The following ZSCAN25 variants were observed in gnomAD, a reference collection of about 807,000 sequenced individuals.
ZSCAN25 encodes the protein zinc finger and SCAN domain-containing protein 25.
Under a neutral mutation model 38.7 loss-of-function variants are expected in ZSCAN25, and 27 were observed. The ratio of observed to expected loss-of-function variants is 0.70; its 90% CI spans 0.51 to 0.96. ZSCAN25 has a LOEUF of 0.96. Ranked by LOEUF, ZSCAN25 falls within the 40% of genes least tolerant of loss-of-function variation. The probability of loss-of-function intolerance (pLI) is 0.00; values close to 1 mark genes in which losing one functional copy is unlikely to be tolerated. For synonymous variants in ZSCAN25, 273 were observed against 277.7 expected, an observed-to-expected ratio of 0.98 and a Z score of 0.17; for missense variants, 637 against 705.9, an observed-to-expected ratio of 0.90 and a Z score of 1.11.
At chr7:99,736,793 A>C in the ZSCAN25 span, among the ~76,000 whole-genome samples, 1 of 152,196 alleles carries the variant, frequency 6.6e-6, no homozygotes, top group Admixed American at 6.5e-5. Flanking sequence ...TGGCCTCAGC[A>C]GGTGAACATC....
In ZSCAN25 at chr7:99,629,870, C is replaced by T. The variant is rs755291085; in HGVS notation, c.1485C>T (p.Phe495=). 4.3e-6 allele frequency: 7 copies of T among 1,614,136 alleles called. No homozygotes were observed. The South Asian group carries it at 6.6e-5, about 15-fold the overall frequency. The change falls in exon 8 of 8, where the codon TTC becomes TTT. Residue 495 remains phenylalanine (F), a synonymous_variant. Transcript: ENST00000394152. This position sits in a 1 kb window ranked among gnomAD's most constrained non-coding sequence, Gnocchi z 5.6. ...PYGCQVCGKR[F]SKGERLVRHQ... ...GGTGCCAGGTGTGCGGGAAGCGGTT[C>T]AGCAAAGGGGAGCGGCTGGTCCGAC...
chr7:99,711,157 C>A, the ZSCAN25 span, among the ~76,000 whole-genome samples: 1 of 152,176 alleles, frequency 6.6e-6, no homozygotes, highest in Non-Finnish European at 1.5e-5. Context: ...ACCTTCACAG[C>A]TGGGTAATTT....
At position 99,623,014 on chromosome 7, in the gene ZSCAN25, G is replaced by A. The variant is rs573317267; in HGVS notation, c.681+374G>A. Among the ~76,000 whole-genome samples, 3 of 152,282 alleles carry A rather than the reference G, an allele frequency of 2.0e-5. No individual in the cohort carries two copies. In the East Asian group the frequency reaches 5.8e-4, roughly 29 times the overall value. On this transcript the variant is annotated intron_variant, in intron 6 of 7. Coordinates refer to ENST00000394152, the MANE Select transcript of ZSCAN25 (RefSeq NM_145115.3). The stretch of plus-strand genomic sequence containing the variant: ...GTAGAGACGGGGTTTCACCGTGTTA[G>A]CCAGGATGGTCTCGATCTCCTGATC...
At chr7:99,679,786 G>A in the ZSCAN25 span, 35 of 1,602,390 alleles carry the variant, frequency 2.2e-5, no homozygotes, top group Admixed American at 1.5e-4. Flanking sequence ...AGCACCCCAA[G>A]TCCAAGGAAA....
At position 99,632,310 on chromosome 7, in the gene ZSCAN25, T is replaced by A; in HGVS notation, c.*2290T>A. 4.3e-6 allele frequency: 4 copies of A among 927,504 alleles called. No homozygotes were observed. Among genetic ancestry groups the A allele is most frequent in the Non-Finnish European group, 5.1e-6 (4 of 777,442 alleles). The allele number at this position is 927,504 out of a possible 1,614,324, so 57.5% of individuals were successfully genotyped here. A position where few individuals can be genotyped will look rare whatever the true frequency, so the allele number is the denominator to read the frequency against. The stretch of plus-strand genomic sequence containing the variant: ...TATTTTGTTTTCTGTATTTTTCTAT[T>A]CTTTAGAAATTTTTTTATAATAGAT... On this transcript the variant is annotated 3_prime_UTR_variant, in exon 8 of 8. Coordinates refer to ENST00000394152, the MANE Select transcript of ZSCAN25 (RefSeq NM_145115.3).
Position 99,622,719 on chromosome 7 carries a change from A to G in ZSCAN25, c.681+79A>G, listed in dbSNP as rs373883626. The stretch of plus-strand genomic sequence containing the variant: ...ACCTTCCCCAAGGTTTCTCTGCACA[A>G]CAGTGTTCCCTTCCCGCCCCAAGTT... On this transcript the variant is annotated intron_variant, in intron 6 of 7. Transcript: ENST00000394152. The G allele has an allele frequency of 1.6e-5, 22 of 1,368,034 alleles. No individual in the cohort carries two copies. The East Asian group carries it at 3.0e-4, about 19-fold the overall frequency. 84.7% of individuals were successfully genotyped at this position (1,368,034 alleles called of 1,614,324 possible).
chr7:99,723,660 T>TC, the ZSCAN25 span, among the ~76,000 whole-genome samples: 1 of 152,176 alleles, frequency 6.6e-6, no homozygotes, highest in Non-Finnish European at 1.5e-5. Context: ...GAGATCCACC[T>TC]CTTGGGTCCT....
the ZSCAN25 span, chr7:99,735,342 C>T: frequency 1.8e-6 from 1 of 544,530 alleles, no homozygotes; most frequent in African/African-American, 1.9e-5. Flanking sequence ...ACACACACCA[C>T]TCACTGACCT....
chr7:99,676,949 C>T, the ZSCAN25 span, among the ~76,000 whole-genome samples: 7 of 152,076 alleles, frequency 4.6e-5, no homozygotes, highest in African/African-American at 1.7e-4. Flanking sequence ...TCCATATGTC[C>T]TTGAATGATT....
At chr7:99,633,751 T>TA (rs781674384), downstream of ZSCAN25, among the ~76,000 whole-genome samples, 212 of 152,256 alleles carry the variant, frequency 1.4e-3, 1 homozygote, top group Middle Eastern at 6.8e-3. Context: ...GATTTAAACA[T>TA]ACTTGGTATT....
At chr7:99,708,645 C>A in the ZSCAN25 span, among the ~76,000 whole-genome samples, 718 of 152,250 alleles carry the variant, frequency 4.7e-3, 2 homozygotes, top group African/African-American at 0.016. Flanking sequence ...CCTATAAATT[C>A]TTTGAAGATT....
At chr7:99,722,230 T>C in the ZSCAN25 span, 1 of 1,600,406 alleles carries the variant, frequency 6.2e-7, no homozygotes, top group South Asian at 1.1e-5. Context: ...GAGACTATCC[T>C]CTGTGCAGTG....
At chr7:99,672,197 G>GC in the ZSCAN25 span, among the ~76,000 whole-genome samples, 4 of 151,990 alleles carry the variant, frequency 2.6e-5, no homozygotes, top group Admixed American at 1.3e-4. Context: ...GACTACAGGC[G>GC]CATGCCACCA....
chr7:99,685,304 T>A, the ZSCAN25 span: 1 of 1,589,216 alleles, frequency 6.3e-7, no homozygotes, highest in Non-Finnish European at 8.6e-7. Context: ...AGCATCAAAG[T>A]AAACAAAAAA....
the ZSCAN25 span, chr7:99,713,347 C>T: frequency 3.4e-6 from 5 of 1,455,064 alleles, no homozygotes; most frequent in South Asian, 4.7e-5. Flanking sequence ...ACATCCAAAC[C>T]TGTGTCATTC....
At chr7:99,711,027 G>A in the ZSCAN25 span, 9 of 1,457,632 alleles carry the variant, frequency 6.2e-6, no homozygotes, top group Non-Finnish European at 8.3e-6. Flanking sequence ...TCTCACTGGG[G>A]GTGGTTTCAC....
Position 99,619,615 on chromosome 7 carries a change from A to G in ZSCAN25, c.9A>G (p.Lys3=), listed in dbSNP as rs1399392068. The G allele has an allele frequency of 1.9e-6, 3 of 1,612,750 alleles. No homozygotes were observed. Among genetic ancestry groups the G allele is most frequent in the Non-Finnish European group, 2.5e-6 (3 of 1,179,078 alleles). ...TCGGAGGGAGTCTGAAGATGCTTAA[A>G]GAGCATCCAGAGATGGCGGAAGCTC... The part of the protein sequence containing the change: ML[K]EHPEMAEAPQ... The change falls in exon 4 of 8, where the codon AAA becomes AAG. Residue 3 remains lysine (K), a synonymous_variant. Transcript: ENST00000394152.
At chr7:99,715,700 C>G in the ZSCAN25 span, 2 of 1,612,034 alleles carry the variant, frequency 1.2e-6, no homozygotes, top group Non-Finnish European at 1.7e-6. Context: ...ATTTACATCT[C>G]AATAAAGCAG....
At chr7:99,662,290 G>T in the ZSCAN25 span, among the ~76,000 whole-genome samples, 3 of 152,050 alleles carry the variant, frequency 2.0e-5, no homozygotes, top group East Asian at 5.8e-4. The surrounding 1 kb of genome is among the most constrained non-coding windows in gnomAD (Gnocchi z 4.3). Context: ...ACCATCCATG[G>T]GTCATAAAAC....
Sources: allele counts gnomAD v4.1 joint callset (sites outside exome capture counted in the v4.1 genomes callset), GRCh38; gene constraint gnomAD v4.1.1; non-coding constraint Gnocchi (gnomAD v3.1); transcripts MANE v1.5; gene names NCBI Gene and HGNC (gene_info 2026-07-23, HGNC 2026-07-21).